BCL2: variants seen among roughly 807,000 people sequenced by gnomAD.
BCL2 encodes the protein apoptosis regulator Bcl-2.
In BCL2, 1 loss-of-function variant was observed where a neutral mutation model predicts 14.2. The ratio of observed to expected loss-of-function variants is 0.07; its 90% CI spans 0.02 to 0.33. The LOEUF is 0.33. BCL2 is among the 10% of genes least tolerant of loss of function. The probability of loss-of-function intolerance (pLI) is 0.99; values close to 1 mark genes in which losing one functional copy is unlikely to be tolerated. For synonymous variants in BCL2, 151 were observed against 137.2 expected, an observed-to-expected ratio of 1.10 and a Z score of -0.70; for missense variants, 247 against 305.9, an observed-to-expected ratio of 0.81 and a Z score of 1.44.
chr18:63,212,371 C>T (rs1910052659), intron 2 of BCL2, among the ~76,000 whole-genome samples: 1 of 151,166 alleles, frequency 6.6e-6, no homozygotes, highest in African/African-American at 2.4e-5. Flanking sequence ...CACAAAAAAA[C>T]TCCATTTAGT....
At chr18:63,280,124 A>AT (rs1313570068) in intron 2 of BCL2, among the ~76,000 whole-genome samples, 1 of 152,212 alleles carries the variant, frequency 6.6e-6, no homozygotes, top group Admixed American at 6.5e-5. Context: ...TAAATAAAAG[A>AT]TTTTTTAAAT....
intron 2 of BCL2, among the ~76,000 whole-genome samples, chr18:63,269,888 T>C (rs975517933): frequency 1.1e-4 from 17 of 152,196 alleles, no homozygotes; most frequent in African/African-American, 3.9e-4. Context: ...ATTAGCTATC[T>C]AATTTACTAG....
chr18:63,246,180 A>C (rs1303648198), intron 2 of BCL2, among the ~76,000 whole-genome samples: 1 of 152,228 alleles, frequency 6.6e-6, no homozygotes, highest in East Asian at 1.9e-4. Flanking sequence ...GCATCAGGTC[A>C]TAGTCCCAAG....
At chr18:63,293,546 A>G (rs940205919) in intron 2 of BCL2, among the ~76,000 whole-genome samples, 1 of 152,192 alleles carries the variant, frequency 6.6e-6, no homozygotes, top group African/African-American at 2.4e-5. Flanking sequence ...TGGGTTTTCA[A>G]ATGGGTACAT....
At chr18:63,214,804 G>C (rs1227571226) in intron 2 of BCL2, among the ~76,000 whole-genome samples, 1 of 152,090 alleles carries the variant, frequency 6.6e-6, no homozygotes, top group Non-Finnish European at 1.5e-5. Context: ...TCCGCCTCCT[G>C]GTTTCAAGTG....
chr18:63,291,607 A>C (rs1220332771), intron 2 of BCL2, among the ~76,000 whole-genome samples: 1 of 152,234 alleles, frequency 6.6e-6, no homozygotes, highest in Non-Finnish European at 1.5e-5. Context: ...AATCTGTAAA[A>C]GACTCGGGAA....
At chr18:63,153,379 A>T (rs1914697512) in intron 2 of BCL2, among the ~76,000 whole-genome samples, 1 of 152,332 alleles carries the variant, frequency 6.6e-6, no homozygotes, top group South Asian at 2.1e-4. Context: ...TCATTTTTGC[A>T]TTGAACTGTC....
chr18:63,162,590 A>G (rs1031564532), intron 2 of BCL2, among the ~76,000 whole-genome samples: 3 of 151,060 alleles, frequency 2.0e-5, no homozygotes, highest in Non-Finnish European at 4.4e-5. Flanking sequence ...CTCACTTCCT[A>G]TTTTCTATTA....
chr18:63,317,806 A>G, intron 2 of BCL2: 1 of 1,335,652 alleles, frequency 7.5e-7, no homozygotes, highest in Non-Finnish European at 9.6e-7. Flanking sequence ...AAGGGGTACC[A>G]TTTACCACCA....
chr18:63,134,481 G>A (rs1254265360), intron 2 of BCL2, among the ~76,000 whole-genome samples: 1 of 152,158 alleles, frequency 6.6e-6, no homozygotes, highest in Non-Finnish European at 1.5e-5. Context: ...CTGCCCCTCA[G>A]ACCAATGCCT....
chr18:63,307,069 T>G (rs1203601363), intron 2 of BCL2, among the ~76,000 whole-genome samples: 2 of 152,168 alleles, frequency 1.3e-5, no homozygotes, highest in East Asian at 3.8e-4. Context: ...TCTCTTGTTC[T>G]GTCTGCTTTA....
At chr18:63,261,302 GC>G (rs141764581) in intron 2 of BCL2, among the ~76,000 whole-genome samples, 1,660 of 152,232 alleles carry the variant, frequency 0.011, 34 homozygotes, top group African/African-American at 0.038. Context: ...ATGAAACACT[GC>G]CCTTCCTCTC....
chr18:63,318,285 C>T lies in BCL2; in HGVS notation c.382G>A (p.Gly128Arg), dbSNP rs747504890. The T allele has an allele frequency of 4.3e-6, 7 of 1,614,162 alleles. No homozygotes were observed. In the Admixed American group the frequency reaches 1.0e-4, roughly 23 times the overall value. ...TCCTCCACCACCGTGGCAAAGCGTC[C>T]CCGCGCGGTGAAGGGCGTCAGGTGC... is the stretch of plus-strand genomic sequence containing the variant. ...QLHLTPFTARGRFATVVEELF... is the reference protein window; with the variant it reads ...QLHLTPFTARRRFATVVEELF... Residue 128 changes from glycine to arginine, a missense_variant, in exon 2 of 3, where the codon GGA becomes AGA. Coordinates refer to ENST00000333681, the MANE Select transcript of BCL2 (RefSeq NM_000633.3). This position sits in a 1 kb window ranked among gnomAD's most constrained non-coding sequence, Gnocchi z 7.4.
chr18:63,274,277 C>CTTTTTTTTTTTTT lies in BCL2; in HGVS notation c.585+43792_585+43804dup, dbSNP rs74169950. ...GGAGTCAAGCTTTTATAAAGATACTCTTTTTTTTTTTTTTTTTTTTTTTGA... is the reference window on the plus strand; with the variant it reads ...GGAGTCAAGCTTTTATAAAGATACTCTTTTTTTTTTTTTTTTTTTTTTTTTTTTTTTTTTTTGA... On this transcript the variant is annotated intron_variant, in intron 2 of 2. Coordinates refer to ENST00000333681, the MANE Select transcript of BCL2 (RefSeq NM_000633.3). Among the ~76,000 whole-genome samples the CTTTTTTTTTTTTT allele has an allele frequency of 6.9e-5, 6 of 86,754 alleles. 1 individual carries two copies. Among genetic ancestry groups the CTTTTTTTTTTTTT allele is most frequent in the Admixed American group, 3.0e-4 (2 of 6,678 alleles). 56.9% of individuals were successfully genotyped at this position (86,754 alleles called of 152,430 possible). A position where few individuals can be genotyped will look rare whatever the true frequency, so the allele number is the denominator to read the frequency against.
chr18:63,265,512 G>A (rs1363890881), intron 2 of BCL2, among the ~76,000 whole-genome samples: 1 of 152,082 alleles, frequency 6.6e-6, no homozygotes, highest in South Asian at 2.1e-4. Flanking sequence ...TTCTTTCTTT[G>A]AAACAACCTC....
intron 2 of BCL2, among the ~76,000 whole-genome samples, chr18:63,252,298 TTTTGAGTTTTATTTCCTCACTTTC>T (rs1343993480): frequency 1.3e-5 from 2 of 152,250 alleles, no homozygotes; most frequent in Non-Finnish European, 2.9e-5. Context: ...TGAAAGCCAA[TTTTGAGTTTTATTTCCTCACTTTC>T]TTTGAGTTTT....
intron 2 of BCL2, among the ~76,000 whole-genome samples, chr18:63,157,561 C>T (rs922277093): frequency 2.0e-5 from 3 of 152,240 alleles, no homozygotes; most frequent in Non-Finnish European, 2.9e-5. Context: ...TAACCTTAAA[C>T]TCCAGCTGGC....
intron 2 of BCL2, among the ~76,000 whole-genome samples, chr18:63,233,712 G>A (rs1347691062): frequency 1.3e-5 from 2 of 152,096 alleles, no homozygotes; most frequent in African/African-American, 2.4e-5. Context: ...GACCTGTACC[G>A]GTCCATGGCC....
At chr18:63,236,090 C>T (rs779867185) in intron 2 of BCL2, among the ~76,000 whole-genome samples, 7 of 152,128 alleles carry the variant, frequency 4.6e-5, no homozygotes, top group Non-Finnish European at 7.3e-5. Context: ...TTGAATAAGT[C>T]TCACAAGATC....
Sources: allele counts gnomAD v4.1 joint callset (sites outside exome capture counted in the v4.1 genomes callset), GRCh38; gene constraint gnomAD v4.1.1; non-coding constraint Gnocchi (gnomAD v3.1); transcripts MANE v1.5; gene names NCBI Gene and HGNC (gene_info 2026-07-23, HGNC 2026-07-21).